The following ZNF385D variants were observed in gnomAD, a reference collection of about 807,000 sequenced individuals.
ZNF385D encodes zinc finger protein 659.
Under a neutral mutation model 35.8 loss-of-function variants are expected in ZNF385D, and 15 were observed. The ratio of observed to expected loss-of-function variants is 0.42; its 90% CI spans 0.28 to 0.64. The LOEUF is 0.64. Among genes scored for constraint, ZNF385D ranks in the 30% least tolerant of loss-of-function variants. The pLI, the probability that ZNF385D is intolerant of heterozygous loss-of-function variation, is 0.23. For missense variants in ZNF385D, 474 were observed against 494.6 expected (o/e 0.96, Z 0.39); for synonymous variants, 212 against 186.8 (o/e 1.13, Z -1.10).
chr3:21,762,042 C>CCATCCCAT (rs1559596768), intron 3 of ZNF385D, among the ~76,000 whole-genome samples: 1 of 151,668 alleles, frequency 6.6e-6, no homozygotes, highest in East Asian at 1.9e-4. Flanking sequence ...CCATGCCCAG[C>CCATCCCAT]TAATTTTTAT....
intron 2 of ZNF385D, among the ~76,000 whole-genome samples, chr3:22,181,771 G>T (rs1166506603): frequency 6.6e-6 from 1 of 151,174 alleles, no homozygotes; most frequent in Non-Finnish European, 1.5e-5. Flanking sequence ...GTTACAAAAA[G>T]ATAGTAATGC....
intron 3 of ZNF385D, among the ~76,000 whole-genome samples, chr3:21,908,151 T>TATCTATCTATCC (rs1478154791): frequency 1.8e-3 from 265 of 151,004 alleles, no homozygotes; most frequent in African/African-American, 6.2e-3. Flanking sequence ...TCTATCTATC[T>TATCTATCTATCC]ATCTATCTAT....
intron 2 of ZNF385D, among the ~76,000 whole-genome samples, chr3:22,331,314 GTATC>G (rs982909027): frequency 2.0e-5 from 3 of 152,100 alleles, no homozygotes; most frequent in Non-Finnish European, 4.4e-5. Flanking sequence ...AATACAAGAA[GTATC>G]TATCACTTAA....
intron 3 of ZNF385D, among the ~76,000 whole-genome samples, chr3:22,156,792 G>C (rs904410793): frequency 5.3e-5 from 8 of 152,044 alleles, no homozygotes; most frequent in Non-Finnish European, 1.0e-4. Flanking sequence ...GCATACCAGG[G>C]AATCTGAATT....
chr3:22,070,417 T>C (rs762559882), intron 3 of ZNF385D, among the ~76,000 whole-genome samples: 2 of 152,190 alleles, frequency 1.3e-5, no homozygotes, highest in East Asian at 1.9e-4. Flanking sequence ...ATATTTAATA[T>C]GTCATTATAT....
Position 22,144,947 on chromosome 3 carries a change from CTTATT to C in ZNF385D, c.325+23865_325+23869del, listed in dbSNP as rs1198188252. On this transcript the variant is annotated intron_variant, in intron 3 of 5. Transcript: ENST00000494108. ...AAAATATTTAGACATGTAACACTTC[CTTATT>C]TAATAGGTAATCATAATCAAGACAG... is the stretch of plus-strand genomic sequence containing the variant. 1.2e-4 allele frequency among the ~76,000 whole-genome samples: 18 copies of C among 151,862 alleles called. No individual in the cohort carries two copies. In the East Asian group the frequency reaches 3.5e-3, roughly 30 times the overall value.
In ZNF385D at chr3:21,995,541, G is replaced by T. The variant is rs1497929; in HGVS notation, c.325+173276C>A. Among the ~76,000 whole-genome samples the T allele has an allele frequency of 1.3e-3, 195 of 151,902 alleles. 3 individuals are homozygous for T. In the East Asian group the frequency reaches 0.034, roughly 27 times the overall value. On this transcript the variant is annotated intron_variant, in intron 3 of 5. Coordinates refer to the ZNF385D transcript ENST00000494108. The stretch of plus-strand genomic sequence containing the variant: ...AGTGAGGTGGATCAATCCCCAGGTC[G>T]CTGGATGATGTGCATGAGTGCTGGT...
intron 3 of ZNF385D, among the ~76,000 whole-genome samples, chr3:21,857,275 G>A (rs191733179): frequency 4.6e-5 from 7 of 152,142 alleles, no homozygotes; most frequent in Admixed American, 3.9e-4. Flanking sequence ...AATATTGTGT[G>A]TCAACATGAT....
intron 3 of ZNF385D, among the ~76,000 whole-genome samples, chr3:22,034,992 A>AT (rs564048694): frequency 1.3e-3 from 192 of 152,298 alleles, no homozygotes; most frequent in African/African-American, 4.3e-3. Context: ...AAATGGTACA[A>AT]TTTTTATATT....
upstream of ZNF385D, chr3:21,751,502 C>T (rs910365310): frequency 7.1e-5 from 68 of 962,134 alleles, no homozygotes; most frequent in African/African-American, 1.1e-3. Flanking sequence ...TTTACCCCGC[C>T]CCTCCTGTGA....
chr3:21,591,846 T>A (rs2063985569), intron 2 of ZNF385D, among the ~76,000 whole-genome samples: 2 of 152,184 alleles, frequency 1.3e-5, no homozygotes, highest in South Asian at 4.1e-4. Context: ...GGAACCTTTG[T>A]CTTTCATACC....
chr3:21,706,068 G>T lies in ZNF385D; in HGVS notation c.23-41040C>A, dbSNP rs146008381. On this transcript the variant is annotated intron_variant, in intron 1 of 7. Coordinates refer to ENST00000281523, the MANE Select transcript of ZNF385D (RefSeq NM_024697.3). ...GATGCACTACTTTGACTCCTCCAAG[G>T]GTCTAACTCACTCTCATATGTCTTG... 3.4e-3 allele frequency among the ~76,000 whole-genome samples: 516 copies of T among 152,106 alleles called. 4 individuals are homozygous for T. The highest frequency in any genetic ancestry group is 0.012 in the African/African-American group (486 of 41,498).
intron 3 of ZNF385D, among the ~76,000 whole-genome samples, chr3:21,922,016 T>A (rs2125224355): frequency 6.6e-6 from 1 of 152,182 alleles, no homozygotes; most frequent in South Asian, 2.1e-4. Context: ...ATCACCATGA[T>A]AACAAAACCT....
rs144632577 is a variant in ZNF385D at position 21,547,792 on chromosome 3, T to C, written c.276+16782A>G. On this transcript the variant is annotated intron_variant, in intron 3 of 7. Coordinates refer to ENST00000281523, the MANE Select transcript of ZNF385D (RefSeq NM_024697.3). ...CCACCATGCCCGGCTAATTTTTGTA[T>C]TTTTAGTAGAAACGGGGCTTCTCCA... Among the ~76,000 whole-genome samples the C allele has an allele frequency of 9.3e-3, 1,419 of 152,156 alleles. 36 individuals are homozygous for C. The highest frequency in any genetic ancestry group is 0.083 in the East Asian group (429 of 5,144).
In ZNF385D at chr3:22,091,798, T is replaced by C. The variant is rs1363985339; in HGVS notation, c.325+77019A>G. Among the ~76,000 whole-genome samples, 4 of 152,232 alleles carry C rather than the reference T, an allele frequency of 2.6e-5. No individual in the cohort carries two copies. In the East Asian group the frequency reaches 7.7e-4, roughly 29 times the overall value. ...CCTGTTATATGCATGTTTTTATTTGTATACCTAAACATTTGTATGTCTCCT... is the reference window on the plus strand; with the variant it reads ...CCTGTTATATGCATGTTTTTATTTGCATACCTAAACATTTGTATGTCTCCT... On this transcript the variant is annotated intron_variant, in intron 3 of 5. Transcript: ENST00000494108.
intron 3 of ZNF385D, among the ~76,000 whole-genome samples, chr3:22,109,736 A>C (rs1430547118): frequency 6.6e-6 from 1 of 152,174 alleles, no homozygotes; most frequent in Non-Finnish European, 1.5e-5. Flanking sequence ...TTCATGCCTA[A>C]AACACCAAAA....
chr3:21,543,545 G>A (rs922407854), intron 3 of ZNF385D, among the ~76,000 whole-genome samples: 2 of 152,112 alleles, frequency 1.3e-5, no homozygotes, highest in Non-Finnish European at 2.9e-5. Context: ...CCAGCCACAA[G>A]CGTCTGCAGC....
At chr3:22,104,730 A>G (rs1702116804) in intron 3 of ZNF385D, among the ~76,000 whole-genome samples, 1 of 152,186 alleles carries the variant, frequency 6.6e-6, no homozygotes, top group Admixed American at 6.6e-5. Flanking sequence ...ACTAGCAAAT[A>G]AAGAATTGTT....
intron 3 of ZNF385D, among the ~76,000 whole-genome samples, chr3:22,158,386 G>A (rs1705725458): frequency 6.6e-6 from 1 of 152,014 alleles, no homozygotes; most frequent in South Asian, 2.1e-4. Flanking sequence ...CCTTACTTGT[G>A]TTTAGGTCCA....
Sources: allele counts gnomAD v4.1 joint callset (sites outside exome capture counted in the v4.1 genomes callset), GRCh38; gene constraint gnomAD v4.1.1; transcripts MANE v1.5; gene names NCBI Gene and HGNC (gene_info 2026-07-23, HGNC 2026-07-21).